The following C11orf65 variants were observed in gnomAD, a reference collection of about 807,000 sequenced individuals.
C11orf65 encodes the protein chromosome 11 open reading frame 65, also known as protein MFI.
Under a neutral mutation model 35.3 loss-of-function variants are expected in C11orf65, and 38 were observed. The ratio of observed to expected loss-of-function variants is 1.08; its 90% confidence interval spans 0.83 to 1.41. C11orf65 has a LOEUF of 1.41. Among genes scored for constraint, C11orf65 ranks in the 40% most tolerant of loss-of-function variants. The pLI, the probability that C11orf65 is intolerant of heterozygous loss-of-function variation, is 0.00. For missense variants in C11orf65, 370 were observed against 367.1 expected (o/e 1.01, Z -0.06); for synonymous variants, 105 against 114.4 (o/e 0.92, Z 0.53).
intron 6 of C11orf65, among the ~76,000 whole-genome samples, chr11:108,310,832 G>A (rs561584245): frequency 2.6e-4 from 40 of 151,958 alleles, no homozygotes; most frequent in African/African-American, 6.5e-4. Flanking sequence ...AATTTAATTC[G>A]CTTTCCTCTG....
chr11:108,407,619 C>T (rs1176141092), intron 3 of C11orf65, among the ~76,000 whole-genome samples: 1 of 151,488 alleles, frequency 6.6e-6, no homozygotes, highest in Non-Finnish European at 1.5e-5. Flanking sequence ...TGTGCTCAGC[C>T]ATTAAAAAAA....
intron 2 of C11orf65, among the ~76,000 whole-genome samples, chr11:108,440,950 C>G (rs1294521183): frequency 1.3e-5 from 2 of 152,266 alleles, no homozygotes; most frequent in East Asian, 3.9e-4. Flanking sequence ...AAGTGAGGTA[C>G]CGGGTTCATC....
At chr11:108,464,793 C>T (rs1275414865) in intron 1 of C11orf65, among the ~76,000 whole-genome samples, 4 of 152,080 alleles carry the variant, frequency 2.6e-5, no homozygotes, top group African/African-American at 4.8e-5. Context: ...TTCCAGTATA[C>T]TCTTTTATGC....
At chr11:108,387,028 A>G (rs553513085) in intron 7 of C11orf65, among the ~76,000 whole-genome samples, 208 of 151,760 alleles carry the variant, frequency 1.4e-3, no homozygotes, top group South Asian at 6.9e-3. Flanking sequence ...CTTGCAGTGA[A>G]CTGAGATGGT....
chr11:108,349,436 A>G (rs2088900230), intron 2 of C11orf65, among the ~76,000 whole-genome samples: 1 of 152,142 alleles, frequency 6.6e-6, no homozygotes, highest in South Asian at 2.1e-4. Flanking sequence ...AGGCCAAGGC[A>G]GGTGGATCAC....
chr11:108,331,470 T>A lies in C11orf65; in HGVS notation c.*80A>T, dbSNP rs777925486. ...GAGACGGAATGAAGATTCCAACATA[T>A]AAATTTTTGCCTCTTATGTACCAAT... On this transcript the variant is annotated 3_prime_UTR_variant, in exon 4 of 4. Transcript: ENST00000524755. 2 of 1,613,490 alleles carry A rather than the reference T, an allele frequency of 1.2e-6. No homozygotes were observed. Among genetic ancestry groups the A allele is most frequent in the South Asian group, 1.1e-5 (1 of 91,038 alleles).
At position 108,335,862 on chromosome 11, in the gene C11orf65, A is replaced by G. The variant is rs780495319; in HGVS notation, c.227-570T>C. The G allele has an allele frequency of 1.1e-5, 17 of 1,613,876 alleles. No individual in the cohort carries two copies. The South Asian group carries it at 1.8e-4, about 17-fold the overall frequency. On this transcript the variant is annotated intron_variant, in intron 2 of 3. Transcript: ENST00000524755. ...TTCTGAAGGGCCGTGATGACCTGAGACAAGATGCTGTCATGCAACAGGTCT... is the reference window on the plus strand; with the variant it reads ...TTCTGAAGGGCCGTGATGACCTGAGGCAAGATGCTGTCATGCAACAGGTCT...
At chr11:108,467,216 G>A (rs995941127) in intron 1 of C11orf65, among the ~76,000 whole-genome samples, 5 of 152,146 alleles carry the variant, frequency 3.3e-5, no homozygotes, top group Non-Finnish European at 7.3e-5. Flanking sequence ...CAACCAGCCC[G>A]ACGCAACTTC....
At position 108,325,555 on chromosome 11, in the gene C11orf65, T is replaced by C. The variant is rs748144204; in HGVS notation, c.641-16484A>G. 2 of 1,575,906 alleles carry C rather than the reference T, an allele frequency of 1.3e-6. No homozygotes were observed. Among genetic ancestry groups the C allele is most frequent in the African/African-American group, 2.7e-5 (2 of 74,274 alleles). On this transcript the variant is annotated intron_variant, in intron 6 of 6. Transcript: ENST00000525729. Reference sequence around the variant, plus strand: ...TTCAAGAACACTCAGGTAAATACAATTTAAAACTATGTCATCTTACCTCTT... The same window carrying C: ...TTCAAGAACACTCAGGTAAATACAACTTAAAACTATGTCATCTTACCTCTT...
chr11:108,434,154 C>T (rs1301521824), intron 2 of C11orf65, among the ~76,000 whole-genome samples: 8 of 152,188 alleles, frequency 5.3e-5, no homozygotes, highest in Non-Finnish European at 1.0e-4. Context: ...GCCTTTCCCC[C>T]TAGCCACTGC....
chr11:108,371,432 C>G (rs543394746), intron 2 of C11orf65, among the ~76,000 whole-genome samples: 1 of 152,208 alleles, frequency 6.6e-6, no homozygotes, highest in Non-Finnish European at 1.5e-5. Context: ...CCTTTTGTCT[C>G]TCTGCATTTG....
exon 7 of C11orf65, chr11:108,308,914 G>A (rs1355117140): frequency 4.0e-6 from 4 of 1,001,378 alleles, no homozygotes; most frequent in African/African-American, 1.6e-5. Flanking sequence ...GTAGTGGAGA[G>A]CATTTGTTTT....
At position 108,353,827 on chromosome 11, in the gene C11orf65, C is replaced by T. The variant is rs1057523011; in HGVS notation, c.227-18535G>A. 6.2e-7 allele frequency: 1 copy of T among 1,614,010 alleles called. No individual in the cohort carries two copies. The highest frequency in any genetic ancestry group is 8.5e-7 in the Non-Finnish European group (1 of 1,179,988). On this transcript the variant is annotated intron_variant, in intron 2 of 3. Coordinates refer to the C11orf65 transcript ENST00000524755. ...CTGAGACAGTTCCTTTTAGACTCAC[C>T]AGAGATATTGTGGATGGCATGGGCA...
At chr11:108,430,828 G>C (rs187793290) in intron 3 of C11orf65, among the ~76,000 whole-genome samples, 17 of 151,968 alleles carry the variant, frequency 1.1e-4, no homozygotes, top group Admixed American at 4.6e-4. Flanking sequence ...CTGGGTGACA[G>C]AGTGAGACCC....
chr11:108,322,132 GT>G (rs1192888213), intron 6 of C11orf65, among the ~76,000 whole-genome samples: 2 of 151,838 alleles, frequency 1.3e-5, no homozygotes, highest in African/African-American at 4.8e-5. Flanking sequence ...TATACCTAGT[GT>G]TTTTGTTTTG....
intron 2 of C11orf65, among the ~76,000 whole-genome samples, chr11:108,353,183 T>C (rs2089420115): frequency 6.6e-6 from 1 of 152,086 alleles, no homozygotes; most frequent in Non-Finnish European, 1.5e-5. Context: ...AGTTTCACTC[T>C]TGTCGCCCAG....
At chr11:108,437,110 A>AAAGG (rs35610227) in intron 2 of C11orf65, among the ~76,000 whole-genome samples, 230 of 101,562 alleles carry the variant, frequency 2.3e-3, no homozygotes, top group East Asian at 7.0e-3. Flanking sequence ...AAAAAAAAAA[A>AAAGG]GGGGGGGGGT....
intron 7 of C11orf65, among the ~76,000 whole-genome samples, chr11:108,389,993 TG>T (rs58204972): frequency 0.54 from 79,411 of 147,786 alleles, 21,671 homozygotes; most frequent in Middle Eastern, 0.73. Flanking sequence ...CTCGCCTGGC[TG>T]GTTTTTTTTT....
intron 2 of C11orf65, among the ~76,000 whole-genome samples, chr11:108,351,897 T>G (rs528386242): frequency 6.6e-6 from 1 of 152,304 alleles, no homozygotes; most frequent in East Asian, 1.9e-4. Flanking sequence ...GACTCACTCC[T>G]TGGTGTCAGT....
Sources: gnomAD v4.1 joint callset for allele counts (sites outside exome capture counted in the v4.1 genomes callset) on GRCh38, gnomAD v4.1.1 for gene constraint, MANE v1.5 for transcripts, NCBI Gene and HGNC (gene_info 2026-07-23, HGNC 2026-07-21) for gene names.